ABCA7: variants seen among roughly 807,000 people sequenced by gnomAD.
ABCA7 encodes phospholipid-transporting ATPase ABCA7.
In ABCA7, 261 loss-of-function variants were observed where a neutral mutation model predicts 227.6. That is an observed-to-expected ratio of 1.15 (90% confidence interval 1.04 to 1.27). The LOEUF is 1.27. Ranked by LOEUF, ABCA7 falls within the 50% of genes most tolerant of loss-of-function variation. The pLI is 0.00. For synonymous variants in ABCA7, 1,488 were observed against 1,279.7 expected (o/e 1.16, Z -3.47); for missense variants, 3,331 against 2,924.5 (o/e 1.14, Z -3.21).
rs1356509414 is a variant in ABCA7 at position 1,065,409 on chromosome 19, C to G, written c.6425C>G (p.Ala2142Gly). Residue 2142 changes from alanine (A) to glycine (G), a missense_variant, in exon 47 of 47, where the codon GCC becomes GGC. Ala to Gly is a moderately conservative substitution (Grantham distance 60). Coordinates refer to ENST00000263094, the MANE Select transcript of ABCA7 (RefSeq NM_019112.4). ...VSQFLDDPST[A>G]ETVL Reference sequence around the variant, plus strand: ...CAGTTCCTCGATGACCCTAGCACTGCCGAGACTGTGCTCTGAGCCTCCCTC... The same window carrying G: ...CAGTTCCTCGATGACCCTAGCACTGGCGAGACTGTGCTCTGAGCCTCCCTC... The G allele has an allele frequency of 1.9e-6, 3 of 1,613,236 alleles. No homozygotes were observed. The highest frequency in any genetic ancestry group is 2.5e-6 in the Non-Finnish European group (3 of 1,179,908).
At chr19:1,060,965 C>T (rs963580435) in intron 40 of ABCA7, among the ~76,000 whole-genome samples, 1 of 152,178 alleles carries the variant, frequency 6.6e-6, no homozygotes, top group Admixed American at 6.5e-5. Flanking sequence ...CTGCTGCACA[C>T]GACCTTTATA....
rs918648517 is a variant in ABCA7, at chr19:1,054,908, C to T, written c.3950+30C>T. ...GGCGTCTTGTTGGCCTGGACCTTTCCCCTCTCTGGCCTCAGTTTTCCCATC... is the reference window on the plus strand; with the variant it reads ...GGCGTCTTGTTGGCCTGGACCTTTCTCCTCTCTGGCCTCAGTTTTCCCATC... On this transcript the variant is annotated intron_variant, in intron 29 of 46. Coordinates refer to ENST00000263094, the MANE Select transcript of ABCA7 (RefSeq NM_019112.4). The surrounding 1 kb of genome is among the most constrained non-coding windows in gnomAD (Gnocchi z 4.8). 5 of 1,547,196 alleles carry T rather than the reference C, an allele frequency of 3.2e-6. No homozygotes were observed. The highest frequency in any genetic ancestry group is 3.9e-5 in the Admixed American group (2 of 51,838).
rs1436364083 is a variant in ABCA7 at position 1,062,301 on chromosome 19, C to A, written c.5700C>A (p.Ala1900=). The A allele has an allele frequency of 1.2e-6, 2 of 1,604,022 alleles. No homozygotes were observed. The highest frequency in any genetic ancestry group is 2.2e-5 in the South Asian group (2 of 91,030). ...LLARLRGVPE[A]QVAQTAGSGL... ...CGCGCCTGCGCGGTGTCCCGGAGGC[C>A]CAGGTTGCCCAGGTGAGCCCACTTT... The change falls in exon 42 of 47, where the codon GCC becomes GCA. Residue 1900 remains alanine, a synonymous_variant. Coordinates refer to ENST00000263094, the MANE Select transcript of ABCA7 (RefSeq NM_019112.4).
intron 40 of ABCA7, among the ~76,000 whole-genome samples, chr19:1,061,217 CA>C (rs1599717876): frequency 6.6e-6 from 1 of 150,894 alleles, no homozygotes; most frequent in East Asian, 2.0e-4. Flanking sequence ...GCCAACATGC[CA>C]AAACCCCGTC....
rs749438093 is a variant in ABCA7, at chr19:1,052,100, C to A, written c.3121C>A (p.Arg1041Ser). ...CTACTACCTGACGCTGGTGAAGGCC[C>A]GCCTGCCCCTGACCACCAATGAGAA... ...SGYYLTLVKARLPLTTNEKAD... is the reference protein window; with the variant it reads ...SGYYLTLVKASLPLTTNEKAD... The change falls in exon 22 of 47, where the codon CGC (arginine) becomes AGC (serine). Residue 1041 changes from arginine (R) to serine (S), a missense_variant. Transcript: ENST00000263094. 6.2e-7 allele frequency: 1 copy of A among 1,612,136 alleles called. No individual in the cohort carries two copies. Among genetic ancestry groups the A allele is most frequent in the Non-Finnish European group, 8.5e-7 (1 of 1,179,864 alleles).
rs530609497 is a variant in ABCA7 at position 1,061,866 on chromosome 19, G to C, written c.5548G>C (p.Glu1850Gln). The stretch of plus-strand genomic sequence containing the variant: ...GGGGGACACATTGGCCAGCAGGGGC[G>C]AGGCTGTGCTGGCAGGCCACAGGTG... ...VTGDTLASRG[E>Q]AVLAGHSVAR... Residue 1850 changes from glutamate (E) to glutamine (Q), a missense_variant, in exon 41 of 47, where the codon GAG (glutamate) becomes CAG (glutamine). Transcript: ENST00000263094. 6.3e-7 allele frequency: 1 copy of C among 1,599,202 alleles called. No homozygotes were observed. Among genetic ancestry groups the C allele is most frequent in the South Asian group, 1.1e-5 (1 of 88,252 alleles).
chr19:1,047,132 C>T, intron 14 of ABCA7, 25 bp from the exon 15 acceptor site: 1 of 1,584,692 alleles, frequency 6.3e-7, no homozygotes, highest in African/African-American at 1.3e-5. Context: ...GGAGCTGCAC[C>T]CTAAGCTCCC....
Position 1,049,006 on chromosome 19 carries a change from G to A in ABCA7, c.2380+1G>A, listed in dbSNP as rs540222488. 23 of 1,574,042 alleles carry A rather than the reference G, an allele frequency of 1.5e-5. No homozygotes were observed. In the South Asian group the frequency reaches 1.8e-4, roughly 13 times the overall value. On this transcript the variant is annotated splice_donor_variant, in intron 17 of 46. Coordinates refer to ENST00000263094, the MANE Select transcript of ABCA7 (RefSeq NM_019112.4). LOFTEE classifies it high-confidence loss of function. ...TGCCCCACCCCGCTGGACCCAAAGGGTGAGGCACTACGAGGCTTAATAGCT... is the reference window on the plus strand; with the variant it reads ...TGCCCCACCCCGCTGGACCCAAAGGATGAGGCACTACGAGGCTTAATAGCT...
chr19:1,042,806 G>T lies in ABCA7; in HGVS notation c.559G>T (p.Ala187Ser). Residue 187 changes from alanine (A) to serine (S), a missense_variant, in exon 7 of 47, where the codon GCT becomes TCT. Coordinates refer to ENST00000263094, the MANE Select transcript of ABCA7 (RefSeq NM_019112.4). ...GCCCTTGCACAGCTTGTTGGAGGCC[G>T]CTGAGGACCTGGCCCAGGAGGTACG... Reference protein sequence around the residue: ...QEPLHSLLEAAEDLAQELLAL... With the variant: ...QEPLHSLLEASEDLAQELLAL... The T allele has an allele frequency of 6.2e-7, 1 of 1,610,388 alleles. No individual in the cohort carries two copies. Among genetic ancestry groups the T allele is most frequent in the Non-Finnish European group, 8.5e-7 (1 of 1,178,956 alleles).
intron 9 of ABCA7, 86 bp from the exon 10 acceptor site, chr19:1,043,639 C>T (rs3752231): frequency 0.25 from 380,873 of 1,520,908 alleles, 49,965 homozygotes; most frequent in East Asian, 0.41. Context: ...CAGAGGCACA[C>T]GCAGGAGCAA....
At chr19:1,057,509 T>A in intron 35 of ABCA7, 80 bp downstream of exon 35, 13 of 1,331,076 alleles carry the variant, frequency 9.8e-6, no homozygotes, top group Non-Finnish European at 1.3e-5. Context: ...GATAGAACTC[T>A]GCAGTGACTC....
Position 1,056,858 on chromosome 19 carries a change from C to G in ABCA7, c.4587-49C>G, listed in dbSNP as rs912703819. On this transcript the variant is annotated intron_variant, in intron 33 of 46. Transcript: ENST00000263094. This position sits in a 1 kb window ranked among gnomAD's most constrained non-coding sequence, Gnocchi z 4.3. ...ATGGCGTGTTCAGCTCTGCTCTGAG[C>G]AACCCATGCACCCTCACCCTACAAC... 8 of 1,578,404 alleles carry G rather than the reference C, an allele frequency of 5.1e-6. No homozygotes were observed. In the Admixed American group the frequency reaches 1.2e-4, roughly 24 times the overall value.
At chr19:1,060,381 T>G (rs1172952631) in intron 40 of ABCA7, among the ~76,000 whole-genome samples, 2 of 150,966 alleles carry the variant, frequency 1.3e-5, no homozygotes, top group Non-Finnish European at 2.9e-5. Flanking sequence ...CCAGCTGATT[T>G]TGTATTTTTA....
At chr19:1,046,485 G>A in intron 13 of ABCA7, 79 bp downstream of exon 13, 1 of 1,495,996 alleles carries the variant, frequency 6.7e-7, no homozygotes, top group Non-Finnish European at 8.9e-7. Flanking sequence ...GCTCTGTTGG[G>A]AACCTTCCTG....
chr19:1,049,092 G>C, intron 17 of ABCA7, 87 bp downstream of exon 17: 1 of 967,532 alleles, frequency 1.0e-6, no homozygotes, highest in Non-Finnish European at 1.6e-6. Flanking sequence ...CAATGACAAT[G>C]ACCTGGACAC....
At chr19:1,043,300 AG>A (rs1337567156) in intron 8 of ABCA7, 33 bp from the exon 9 acceptor site, 4 of 1,612,290 alleles carry the variant, frequency 2.5e-6, no homozygotes, top group East Asian at 4.5e-5. Flanking sequence ...AACTCTGGGC[AG>A]GGGGGCAGGG....
chr19:1,052,154 G>T (rs767890734), intron 22 of ABCA7, 28 bp downstream of exon 22: 1 of 1,609,704 alleles, frequency 6.2e-7, no homozygotes, highest in African/African-American at 1.3e-5. Context: ...CCTGACCCCT[G>T]ACCCCCGGGA....
chr19:1,042,391 GC>G lies in ABCA7; in HGVS notation c.493del (p.Arg165AlafsTer82). ...DVAELLTSLL[R>X]TESLGLALGQ... ...TCGCGGAGCTGCTGACGTCACTGCT[GC>G]GCACGGTAGGGTGTCGGGGCGGGAC... On this transcript the variant is annotated frameshift_variant, in exon 6 of 47. Transcript: ENST00000263094. LOFTEE classifies it high-confidence loss of function. 1.9e-6 allele frequency: 3 copies of G among 1,609,942 alleles called. No homozygotes were observed. Among genetic ancestry groups the G allele is most frequent in the Non-Finnish European group, 2.5e-6 (3 of 1,177,616 alleles).
Position 1,052,787 on chromosome 19 carries a change from G to A in ABCA7, c.3220+501G>A, listed in dbSNP as rs76169956. On this transcript the variant is annotated intron_variant, in intron 23 of 46. Transcript: ENST00000263094. Reference sequence around the variant, plus strand: ...GATGCCCCCATCCCTGGGCTGAGCCGGAACCATGAGACTAACTTGAACACT... The same window carrying A: ...GATGCCCCCATCCCTGGGCTGAGCCAGAACCATGAGACTAACTTGAACACT... Among the ~76,000 whole-genome samples, 376 of 151,190 alleles carry A rather than the reference G, an allele frequency of 2.5e-3. 4 individuals carry two copies. Among genetic ancestry groups the A allele is most frequent in the East Asian group, 0.016 (83 of 5,100 alleles).
Sources: allele counts gnomAD v4.1 joint callset (sites outside exome capture counted in the v4.1 genomes callset), GRCh38; gene constraint gnomAD v4.1.1; non-coding constraint Gnocchi (gnomAD v3.1); transcripts MANE v1.5; gene names NCBI Gene and HGNC (gene_info 2026-07-23, HGNC 2026-07-21).